Variants in KASH5 observed in about 807,000 individuals in gnomAD.
The protein encoded by KASH5 is KASH domain containing 5.
Under a neutral mutation model 84.2 loss-of-function variants are expected in KASH5, and 72 were observed. That is an observed-to-expected ratio of 0.85 (90% CI 0.71 to 1.04). The LOEUF is 1.04. Among genes scored for constraint, KASH5 ranks in the 50% least tolerant of loss-of-function variants. The pLI is 0.00. For missense variants in KASH5, 650 were observed against 701.0 expected (o/e 0.93, Z 0.82); for synonymous variants, 260 against 279.1 (o/e 0.93, Z 0.68).
rs1311629206 is a variant in KASH5, at chr19:49,399,179, C to T, written c.747+37C>T. 3.3e-6 allele frequency: 5 copies of T among 1,505,874 alleles called. No individual in the cohort carries two copies. The highest frequency in any genetic ancestry group is 4.5e-6 in the Non-Finnish European group (5 of 1,117,132). The allele number at this position is 1,505,874 out of a possible 1,614,324, so 93.3% of individuals were successfully genotyped here. ...CCAGGGGAAGGAAGGTGCCCTCTCT[C>T]TTCTTTGTTTCCTGGAGTCAGGGCG... On this transcript the variant is annotated intron_variant, in intron 8 of 19. Coordinates refer to ENST00000447857, the MANE Select transcript of KASH5 (RefSeq NM_144688.5). The surrounding 1 kb of genome is among the most constrained non-coding windows in gnomAD (Gnocchi z 4.4).
Position 49,395,592 on chromosome 19 carries a change from C to G in KASH5, c.336-177C>G. On this transcript the variant is annotated intron_variant, in intron 4 of 19. Transcript: ENST00000447857. This position sits in a 1 kb window ranked among gnomAD's most constrained non-coding sequence, Gnocchi z 4.4. Reference sequence around the variant, plus strand: ...CCCTTCACCAAACCCACTCCTTGCCCCTCCTGCTTTTCCATCTGGCCACGG... The same window carrying G: ...CCCTTCACCAAACCCACTCCTTGCCGCTCCTGCTTTTCCATCTGGCCACGG... The G allele has an allele frequency of 3.0e-6, 2 of 667,682 alleles. No individual in the cohort carries two copies. Among genetic ancestry groups the G allele is most frequent in the Middle Eastern group, 4.1e-4 (1 of 2,420 alleles). The allele number at this position is 667,682 out of a possible 1,614,324, so 41.4% of individuals were successfully genotyped here. A position where few individuals can be genotyped will look rare whatever the true frequency, so the allele number is the denominator to read the frequency against.
intron 9 of KASH5, among the ~76,000 whole-genome samples, chr19:49,400,368 C>CT (rs762991520): frequency 2.3e-3 from 233 of 100,886 alleles, no homozygotes; most frequent in African/African-American, 3.0e-3. Context: ...TTTTTTTTTT[C>CT]TTTTTTTTTT....
chr19:49,401,528 C>T (rs1299083379), intron 9 of KASH5, among the ~76,000 whole-genome samples: 2 of 152,184 alleles, frequency 1.3e-5, no homozygotes, highest in Non-Finnish European at 2.9e-5. Flanking sequence ...CTATTATTCT[C>T]ACACCGTGAT....
At chr19:49,411,563 G>A (rs899807696) in intron 15 of KASH5, among the ~76,000 whole-genome samples, 2 of 152,156 alleles carry the variant, frequency 1.3e-5, no homozygotes, top group Admixed American at 6.5e-5. Context: ...TCCCTCAGAA[G>A]TGTAGGTTAG....
chr19:49,409,258 GCTTGGAGATCGAGGC>G lies in KASH5; in HGVS notation c.1123_1137del (p.Leu375_Ala379del). On this transcript the variant is annotated inframe_deletion, in exon 14 of 20. Transcript: ENST00000447857. ...ACCGAGCTGCTACCCCCATCGCTGGGCTTGGAGATCGAGGCCATTCGACAGGTGGGCCTAACACCC... is the reference window on the plus strand; with the variant it reads ...ACCGAGCTGCTACCCCCATCGCTGGGCATTCGACAGGTGGGCCTAACACCC... 1 of 1,613,960 alleles carries G rather than the reference GCTTGGAGATCGAGGC, an allele frequency of 6.2e-7. No homozygotes were observed. Among genetic ancestry groups the G allele is most frequent in the Non-Finnish European group, 8.5e-7 (1 of 1,179,866 alleles).
At chr19:49,389,872 G>T in intron 1 of KASH5, 1 of 153,246 alleles carries the variant, frequency 6.5e-6, no homozygotes, top group Non-Finnish European at 1.5e-5. Context: ...AGTGGGGCTG[G>T]CAGGGATGAG....
Position 49,399,372 on chromosome 19 carries a change from T to G in KASH5, c.748-85T>G. On this transcript the variant is annotated intron_variant, in intron 8 of 19. Transcript: ENST00000447857. The surrounding 1 kb of genome is among the most constrained non-coding windows in gnomAD (Gnocchi z 4.4). Reference sequence around the variant, plus strand: ...CCAGACCCATTCCCCCAGGCCCTGGTTGTGTTTTCAGGGGTGGGAGAAGGG... The same window carrying G: ...CCAGACCCATTCCCCCAGGCCCTGGGTGTGTTTTCAGGGGTGGGAGAAGGG... 2 of 1,328,098 alleles carry G rather than the reference T, an allele frequency of 1.5e-6. No individual in the cohort carries two copies. The highest frequency in any genetic ancestry group is 1.1e-6 in the Non-Finnish European group (1 of 944,460). 82.3% of individuals were successfully genotyped at this position (1,328,098 alleles called of 1,614,324 possible). A position where few individuals can be genotyped will look rare whatever the true frequency, so the allele number is the denominator to read the frequency against.
At position 49,408,969 on chromosome 19, in the gene KASH5, A is replaced by G; in HGVS notation, c.996A>G (p.Glu332=). The G allele has an allele frequency of 1.3e-6, 2 of 1,582,358 alleles. No homozygotes were observed. Among genetic ancestry groups the G allele is most frequent in the Non-Finnish European group, 1.7e-6 (2 of 1,164,256 alleles). ...GCTCCCCACTTCCTCCTTTGCAGGA[A>G]CTGAGGCTGGAGATTTCACGCCTGG... ...TLEEYRVTTQ[E]LRLEISRLEE... is the part of the protein sequence containing the mutation. Residue 332 remains glutamate (E), a splice_region_variant and synonymous_variant, in exon 13 of 20, where the codon GAA becomes GAG. Transcript: ENST00000447857.
chr19:49,404,619 C>T (rs1200523003), intron 9 of KASH5, among the ~76,000 whole-genome samples: 12 of 152,178 alleles, frequency 7.9e-5, no homozygotes, highest in Non-Finnish European at 1.0e-4. Flanking sequence ...CCCATTCTCA[C>T]CCAGGGCTGT....
rs1055037357 is a variant in KASH5, at chr19:49,406,861, C to T, written c.799-25C>T. ...TGACATTACCACTTGCTGGAATGAA[C>T]GTGACCAGCCATTCCTTCTTCTAGA... is the stretch of plus-strand genomic sequence containing the variant. On this transcript the variant is annotated intron_variant, in intron 9 of 19. Coordinates refer to ENST00000447857, the MANE Select transcript of KASH5 (RefSeq NM_144688.5). 6 of 1,586,386 alleles carry T rather than the reference C, an allele frequency of 3.8e-6. No individual in the cohort carries two copies. The African/African-American group carries it at 5.4e-5, about 14-fold the overall frequency.
chr19:49,400,353 C>CTTTTTTTTTTTTTTTTTTTT (rs36066335), intron 9 of KASH5, among the ~76,000 whole-genome samples: 3 of 124,216 alleles, frequency 2.4e-5, no homozygotes, highest in African/African-American at 3.1e-5. Flanking sequence ...CTTTTAGTTT[C>CTTTTTTTTTTTTTTTTTTTT]TTTTTTTTTT....
At chr19:49,404,335 C>G (rs1285231940) in intron 9 of KASH5, among the ~76,000 whole-genome samples, 1 of 152,224 alleles carries the variant, frequency 6.6e-6, no homozygotes, top group East Asian at 1.9e-4. Flanking sequence ...AAACCCTGTG[C>G]AACTTGATAG....
chr19:49,410,734 C>T (rs187047744), intron 15 of KASH5, among the ~76,000 whole-genome samples: 15 of 152,150 alleles, frequency 9.9e-5, no homozygotes, highest in Non-Finnish European at 1.9e-4. Context: ...GTGATCTGCC[C>T]GCCTCGGCCT....
At position 49,395,770 on chromosome 19, in the gene KASH5, G is replaced by A. The variant is rs1401107201; in HGVS notation, c.337G>A (p.Gly113Arg). ...DWIAACQLHG[G>R]LELEEETAFQ... ...CTAAGCCTCATCCCTTTGATACAGGGGATTAGAGCTGGAAGAGGAGACCGC... is the reference window on the plus strand; with the variant it reads ...CTAAGCCTCATCCCTTTGATACAGGAGATTAGAGCTGGAAGAGGAGACCGC... Residue 113 changes from glycine to arginine, a missense_variant and splice_region_variant, in exon 5 of 20, where the codon GGA becomes AGA. Physicochemically the swap from Gly to Arg is moderately radical, Grantham distance 125 (BLOSUM62 -2). Transcript: ENST00000447857. This position sits in a 1 kb window ranked among gnomAD's most constrained non-coding sequence, Gnocchi z 4.4. 2 of 1,558,900 alleles carry A rather than the reference G, an allele frequency of 1.3e-6. No individual in the cohort carries two copies. Among genetic ancestry groups the A allele is most frequent in the Non-Finnish European group, 1.7e-6 (2 of 1,151,724 alleles).
chr19:49,402,698 C>T (rs1974400544), intron 9 of KASH5, among the ~76,000 whole-genome samples: 1 of 152,118 alleles, frequency 6.6e-6, no homozygotes, highest in South Asian at 2.1e-4. Context: ...CAGAGCGAGA[C>T]TCTGTCTCAA....
chr19:49,392,916 A>G (rs1490787045), intron 2 of KASH5, among the ~76,000 whole-genome samples: 3 of 151,948 alleles, frequency 2.0e-5, no homozygotes, highest in Admixed American at 1.3e-4. Flanking sequence ...CATCTCAAAA[A>G]AAAAAAAAAC....
chr19:49,413,673 T>C (rs931451256), intron 16 of KASH5, among the ~76,000 whole-genome samples: 2 of 152,114 alleles, frequency 1.3e-5, no homozygotes, highest in Non-Finnish European at 2.9e-5. Flanking sequence ...GAGAAGGGGC[T>C]GAGCAGTAGT....
intron 9 of KASH5, 145 bp from the exon 10 acceptor site, chr19:49,406,741 G>A (rs913085210): frequency 1.4e-6 from 1 of 715,544 alleles, no homozygotes; most frequent in Non-Finnish European, 2.4e-6. Context: ...CACTGGAATG[G>A]TTGGAGGAAT....
chr19:49,407,526 A>AC (rs1158471728), intron 11 of KASH5, 86 bp from the exon 12 acceptor site: 6 of 1,415,222 alleles, frequency 4.2e-6, no homozygotes, highest in Non-Finnish European at 4.9e-6. Flanking sequence ...CTGTCCCTTA[A>AC]CCCCCCAGCC....
Sources: gnomAD v4.1 joint callset for allele counts (sites outside exome capture counted in the v4.1 genomes callset) on GRCh38, gnomAD v4.1.1 for gene constraint, Gnocchi (gnomAD v3.1) non-coding constraint, MANE v1.5 for transcripts, NCBI Gene and HGNC (gene_info 2026-07-23, HGNC 2026-07-21) for gene names.